The following ZNF180 variants were observed in gnomAD, a reference collection of about 807,000 sequenced individuals.
The protein encoded by ZNF180 is zinc finger protein 180 (HHZ168).
In ZNF180, 11 loss-of-function variants were observed where a neutral mutation model predicts 11.8. The ratio of observed to expected loss-of-function variants is 0.93; its 90% confidence interval spans 0.59 to 1.55. ZNF180 has a LOEUF of 1.55. ZNF180 is among the 40% of genes most tolerant of loss of function. ZNF180 has a pLI of 0.00. For missense variants in ZNF180, 773 were observed against 781.7 expected (o/e 0.99, Z 0.13); for synonymous variants, 287 against 257.7 (o/e 1.11, Z -1.09).
In ZNF180 at chr19:44,484,504, C is replaced by T. The variant is rs115630642; in HGVS notation, c.52-69G>A. On this transcript the variant is annotated intron_variant, in intron 2 of 4. Coordinates refer to ENST00000592529, the MANE Select transcript of ZNF180 (RefSeq NM_001278509.3). Reference sequence around the variant, plus strand: ...GCTAAGTGGCAGCTCAAATCTCCTCCGGTCAGTGGGCTAAGATTTGACATA... The same window carrying T: ...GCTAAGTGGCAGCTCAAATCTCCTCTGGTCAGTGGGCTAAGATTTGACATA... 1.2e-3 allele frequency: 1,350 copies of T among 1,102,988 alleles called. 13 individuals are homozygous for T. The African/African-American group carries it at 0.017, about 14-fold the overall frequency. The allele number at this position is 1,102,988 out of a possible 1,614,324, so 68.3% of individuals were successfully genotyped here.
In ZNF180 at chr19:44,478,164, A is replaced by G. The variant is rs16979134; in HGVS notation, c.254-18T>C. The G allele has an allele frequency of 0.014, 21,319 of 1,525,500 alleles. 1,003 individuals carry two copies. The highest frequency in any genetic ancestry group is 0.13 in the African/African-American group (9,068 of 71,988). The allele number at this position is 1,525,500 out of a possible 1,614,324, so 94.5% of individuals were successfully genotyped here. On this transcript the variant is annotated intron_variant, in intron 4 of 4. Transcript: ENST00000592529. ...TGCCAAGTCTGAAAGAAAGCAATAT[A>G]AGACATCTTAGTCAAAAAATATTAG...
chr19:44,500,184 C>A, intron 1 of ZNF180, 91 bp downstream of exon 1: 1 of 1,614,156 alleles, frequency 6.2e-7, no homozygotes. Flanking sequence ...ACCAGGTCTC[C>A]CCGCTACACT....
At chr19:44,478,614 G>A (rs1279990086) in intron 4 of ZNF180, among the ~76,000 whole-genome samples, 2 of 152,152 alleles carry the variant, frequency 1.3e-5, no homozygotes, top group East Asian at 3.8e-4. Context: ...AGGAAACTAT[G>A]TTTGTGAACA....
intron 3 of ZNF180, 61 bp from the exon 4 acceptor site, chr19:44,479,470 G>A (rs1409815276): frequency 1.9e-6 from 3 of 1,602,102 alleles, no homozygotes; most frequent in African/African-American, 1.4e-5. Context: ...GTTCATGGAG[G>A]AGGAAAAGTC....
In ZNF180 at chr19:44,477,494, A is replaced by G. The variant is rs1359357953; in HGVS notation, c.906T>C (p.Tyr302=). 7 of 1,613,994 alleles carry G rather than the reference A, an allele frequency of 4.3e-6. No homozygotes were observed. The African/African-American group carries it at 9.3e-5, about 22-fold the overall frequency. The part of the protein sequence containing the change: ...QQRIPFEESQ[Y]KCSETSHSSS... ...AACTATGAGAGGTTTCACTACATTTATATTGACTCTCTTCAAAAGGAATTC... is the reference window on the plus strand; with the variant it reads ...AACTATGAGAGGTTTCACTACATTTGTATTGACTCTCTTCAAAAGGAATTC... The change falls in exon 5 of 5, where the codon TAT becomes TAC. Residue 302 remains tyrosine (Y), a synonymous_variant. Coordinates refer to ENST00000592529, the MANE Select transcript of ZNF180 (RefSeq NM_001278509.3).
chr19:44,497,867 C>T (rs964823872), intron 1 of ZNF180, among the ~76,000 whole-genome samples: 1 of 152,196 alleles, frequency 6.6e-6, no homozygotes, highest in Non-Finnish European at 1.5e-5. Context: ...TGACACAGCT[C>T]CACTGCTCCC....
intron 4 of ZNF180, among the ~76,000 whole-genome samples, chr19:44,479,039 A>G (rs1397297123): frequency 6.6e-6 from 1 of 152,244 alleles, no homozygotes; most frequent in Non-Finnish European, 1.5e-5. Flanking sequence ...AAAGAAAATT[A>G]CTGCAGAATC....
intron 1 of ZNF180, among the ~76,000 whole-genome samples, chr19:44,497,803 A>G (rs1970631138): frequency 6.6e-6 from 1 of 151,962 alleles, no homozygotes; most frequent in African/African-American, 2.4e-5. Context: ...GCCCCAAACC[A>G]GCACTTCTTC....
intron 2 of ZNF180, among the ~76,000 whole-genome samples, chr19:44,490,927 G>C (rs1970434618): frequency 6.6e-6 from 1 of 152,162 alleles, no homozygotes; most frequent in African/African-American, 2.4e-5. Context: ...CCTGACCCCA[G>C]CAGTCAACTC....
chr19:44,479,188 A>G lies in ZNF180; in HGVS notation c.253+95T>C, dbSNP rs369979276. ...CAAACACAATCTAGATGCAGCCAAA[A>G]TCATTCTGGCTGCTGAATTTCACAG... On this transcript the variant is annotated intron_variant, in intron 4 of 4. Transcript: ENST00000592529. 6.5e-5 allele frequency: 96 copies of G among 1,484,238 alleles called. No individual in the cohort carries two copies. In the East Asian group the frequency reaches 8.3e-4, roughly 13 times the overall value. 91.9% of individuals were successfully genotyped at this position (1,484,238 alleles called of 1,614,324 possible).
rs1200877396 is a variant in ZNF180, at chr19:44,474,791, C to A, written c.*1611G>T. 1 of 152,236 alleles carries A rather than the reference C, an allele frequency of 6.6e-6. No individual in the cohort carries two copies. The highest frequency in any genetic ancestry group is 1.5e-5 in the Non-Finnish European group (1 of 68,058). The allele number at this position is 152,236 out of a possible 1,614,324, so 9.4% of individuals were successfully genotyped here. On this transcript the variant is annotated 3_prime_UTR_variant, in exon 5 of 5. Coordinates refer to ENST00000592529, the MANE Select transcript of ZNF180 (RefSeq NM_001278509.3). ...CAAGAGATACTGAACCTCTTTCAGA[C>A]TCATTGAGGGTTCTTCAAAGTGTGG...
intron 2 of ZNF180, among the ~76,000 whole-genome samples, chr19:44,489,439 C>T (rs1204353982): frequency 7.3e-6 from 1 of 137,842 alleles, no homozygotes; most frequent in Non-Finnish European, 1.6e-5. Context: ...ATGATCTTAC[C>T]CCCAACCCTG....
chr19:44,486,433 A>G (rs908861200), intron 2 of ZNF180, among the ~76,000 whole-genome samples: 1 of 152,220 alleles, frequency 6.6e-6, no homozygotes, highest in Non-Finnish European at 1.5e-5. Context: ...ACCTTGAAAC[A>G]ACGCAATTCC....
intron 4 of ZNF180, among the ~76,000 whole-genome samples, chr19:44,478,613 T>A (rs970327609): frequency 6.6e-6 from 1 of 152,226 alleles, no homozygotes; most frequent in Non-Finnish European, 1.5e-5. Context: ...GAGGAAACTA[T>A]GTTTGTGAAC....
rs1424341973 is a variant in ZNF180, at chr19:44,475,097, G to A, written c.*1305C>T. ...AGCTTATTACCTTTCTGGGATCAGA[G>A]GCTTCAATATATGGTCATCCACAGG... On this transcript the variant is annotated 3_prime_UTR_variant, in exon 5 of 5. Transcript: ENST00000592529. 6.6e-6 allele frequency: 1 copy of A among 152,150 alleles called. No individual in the cohort carries two copies. The highest frequency in any genetic ancestry group is 2.4e-5 in the African/African-American group (1 of 41,426). 9.4% of individuals were successfully genotyped at this position (152,150 alleles called of 1,614,324 possible).
rs1364369553 is a variant in ZNF180 at position 44,476,755 on chromosome 19, GT to G, written c.1644del (p.Lys548AsnfsTer70). The G allele has an allele frequency of 6.2e-7, 1 of 1,614,014 alleles. No individual in the cohort carries two copies. Among genetic ancestry groups the G allele is most frequent in the African/African-American group, 1.3e-5 (1 of 74,922 alleles). On this transcript the variant is annotated frameshift_variant, in exon 5 of 5. Transcript: ENST00000592529. LOFTEE classifies it low-confidence loss of function (END_TRUNC). ...VMHQRIHTGE[K>X]PYECNQCGKS... ...TTCCCACACTGATTACATTCATACGGTTTTTCCCCAGTGTGAATTCTCTGAT... is the reference window on the plus strand; with the variant it reads ...TTCCCACACTGATTACATTCATACGGTTTTCCCCAGTGTGAATTCTCTGAT...
Position 44,477,027 on chromosome 19 carries a change from C to A in ZNF180, c.1373G>T (p.Arg458Ile), listed in dbSNP as rs767875152. Residue 458 changes from arginine (R) to isoleucine (I), a missense_variant, in exon 5 of 5, where the codon AGA becomes ATA. Arg to Ile is a moderately conservative substitution (Grantham distance 97). Coordinates refer to ENST00000592529, the MANE Select transcript of ZNF180 (RefSeq NM_001278509.3). Reference sequence around the variant, plus strand: ...ATAGGGTTTTTCCCCAGTATGAATTCTTTGATGTGCAATAAGTTTATAGCT... The same window carrying A: ...ATAGGGTTTTTCCCCAGTATGAATTATTTGATGTGCAATAAGTTTATAGCT... ...IQSYKLIAHQ[R>I]IHTGEKPYEC... 1 of 1,614,078 alleles carries A rather than the reference C, an allele frequency of 6.2e-7. No homozygotes were observed. Among genetic ancestry groups the A allele is most frequent in the Non-Finnish European group, 8.5e-7 (1 of 1,180,002 alleles).
In ZNF180 at chr19:44,475,081, C is replaced by T. The variant is rs1006563790; in HGVS notation, c.*1321G>A. 1.3e-5 allele frequency: 2 copies of T among 152,178 alleles called. No individual in the cohort carries two copies. Among genetic ancestry groups the T allele is most frequent in the African/African-American group, 4.8e-5 (2 of 41,432 alleles). The allele number at this position is 152,178 out of a possible 1,614,324, so 9.4% of individuals were successfully genotyped here. On this transcript the variant is annotated 3_prime_UTR_variant, in exon 5 of 5. Coordinates refer to ENST00000592529, the MANE Select transcript of ZNF180 (RefSeq NM_001278509.3). ...TCTCAGTTCAACTTTCAGCTTATTACCTTTCTGGGATCAGAGGCTTCAATA... is the reference window on the plus strand; with the variant it reads ...TCTCAGTTCAACTTTCAGCTTATTATCTTTCTGGGATCAGAGGCTTCAATA...
chr19:44,483,684 A>T (rs1490177047), intron 3 of ZNF180, among the ~76,000 whole-genome samples: 2 of 89,790 alleles, frequency 2.2e-5, no homozygotes, highest in Non-Finnish European at 6.5e-5. Flanking sequence ...CCTCAACCTC[A>T]CTGTTCCTAT....
Sources: allele counts gnomAD v4.1 joint callset (sites outside exome capture counted in the v4.1 genomes callset), GRCh38; gene constraint gnomAD v4.1.1; transcripts MANE v1.5; gene names NCBI Gene and HGNC (gene_info 2026-07-23, HGNC 2026-07-21).